The following SOS1 variants were observed in gnomAD, a reference collection of about 807,000 sequenced individuals.
SOS1 encodes son of sevenless homolog 1.
SOS1 carries 25 observed loss-of-function variants against 157.6 expected under a neutral mutation model. The observed-to-expected ratio is 0.16, with a 90% CI of 0.12 to 0.22. SOS1 has a LOEUF of 0.22. Ranked by LOEUF, SOS1 falls within the 10% of genes least tolerant of loss-of-function variation. The pLI is 1.00. For synonymous variants in SOS1, 528 were observed against 534.0 expected (o/e 0.99, Z 0.16); for missense variants, 1,237 against 1,599.1 (o/e 0.77, Z 3.86).
Position 38,985,864 on chromosome 2 carries a change from C to G in SOS1, c.3962G>C (p.Arg1321Thr), listed in dbSNP as rs1054147959. Residue 1321 changes from arginine (R) to threonine (T), a missense_variant, in exon 23 of 23, where the codon AGA becomes ACA. Around this residue, in one of 15 missense-constraint regions of SOS1, gnomAD observed 306 missense variants for 322.6 expected, o/e 0.95. Coordinates refer to ENST00000402219, the MANE Select transcript of SOS1 (RefSeq NM_005633.4). ...ATTCTCCAACAGTGGTGGTCCATCTCTGTGCATGGATGGGTGTGTGTGCTC... is the reference window on the plus strand; with the variant it reads ...ATTCTCCAACAGTGGTGGTCCATCTGTGTGCATGGATGGGTGTGTGTGCTC... ...KREHTHPSMH[R>T]DGPPLLENAH... The G allele has an allele frequency of 1.2e-6, 2 of 1,613,808 alleles. No homozygotes were observed. Among genetic ancestry groups the G allele is most frequent in the Non-Finnish European group, 1.7e-6 (2 of 1,179,810 alleles).
chr2:38,996,081 G>C (rs1437655733), intron 19 of SOS1, among the ~76,000 whole-genome samples: 1 of 151,960 alleles, frequency 6.6e-6, no homozygotes, highest in Non-Finnish European at 1.5e-5. Flanking sequence ...GTTTAATTCA[G>C]GATTCTTGAC....
chr2:39,002,876 G>T (rs1290372614), intron 17 of SOS1, among the ~76,000 whole-genome samples: 6 of 151,962 alleles, frequency 3.9e-5, no homozygotes, highest in African/African-American at 1.5e-4. Flanking sequence ...ACCAGCCTGG[G>T]CAACCTGGTG....
intron 1 of SOS1, among the ~76,000 whole-genome samples, chr2:39,116,018 T>C (rs1447976780): frequency 6.6e-6 from 1 of 152,120 alleles, no homozygotes; most frequent in Non-Finnish European, 1.5e-5. Context: ...GAACATTGGA[T>C]TGTTTCCAGT....
intron 3 of SOS1, among the ~76,000 whole-genome samples, chr2:39,058,121 T>C (rs1293138572): frequency 6.6e-6 from 1 of 152,110 alleles, no homozygotes; most frequent in Admixed American, 6.5e-5. Context: ...AAGGTAATAG[T>C]AGTTCGTTAC....
intron 10 of SOS1, among the ~76,000 whole-genome samples, chr2:39,020,571 G>T (rs762105618): frequency 6.6e-6 from 1 of 151,710 alleles, no homozygotes; most frequent in African/African-American, 2.4e-5. Flanking sequence ...TGGGGAGGCT[G>T]AAGAAAGATG....
chr2:39,092,026 C>T (rs150570946), intron 1 of SOS1, among the ~76,000 whole-genome samples: 121 of 152,280 alleles, frequency 7.9e-4, no homozygotes, highest in African/African-American at 2.9e-3. Context: ...TTTTTCTTCA[C>T]AAATTGACCA....
intron 9 of SOS1, 115 bp downstream of exon 9, chr2:39,023,895 G>T: frequency 1.4e-6 from 1 of 734,574 alleles, no homozygotes; most frequent in Non-Finnish European, 2.4e-6. Flanking sequence ...AAAAGACCAG[G>T]CTTGTCACTA....
At chr2:39,122,899 G>A (rs1235492819), upstream of SOS1, among the ~76,000 whole-genome samples, 4 of 152,064 alleles carry the variant, frequency 2.6e-5, no homozygotes, top group African/African-American at 7.2e-5. Flanking sequence ...TGGTTTGTAT[G>A]GTTCCAAATG....
At position 38,985,063 on chromosome 2, in the gene SOS1, T is replaced by C. The variant is rs1293248864; in HGVS notation, c.*761A>G. On this transcript the variant is annotated 3_prime_UTR_variant, in exon 23 of 23. Transcript: ENST00000402219. ...AATAGAATAGTTGACAGTTATTTTT[T>C]TTTAAAAAGTTCTTCTGTCATGTTA... The C allele has an allele frequency of 6.6e-6, 1 of 152,230 alleles. No individual in the cohort carries two copies. Among genetic ancestry groups the C allele is most frequent in the Admixed American group, 6.5e-5 (1 of 15,270 alleles). 9.4% of individuals were successfully genotyped at this position (152,230 alleles called of 1,614,324 possible). A position where few individuals can be genotyped will look rare whatever the true frequency, so the allele number is the denominator to read the frequency against.
intron 20 of SOS1, chr2:38,992,451 C>G (rs914428755): frequency 6.6e-6 from 1 of 152,184 alleles, no homozygotes; most frequent in African/African-American, 2.4e-5. Context: ...TTTTCTCCAC[C>G]TGTCCAGCTG....
At position 39,017,483 on chromosome 2, in the gene SOS1, T is replaced by C. The variant is rs1469649404; in HGVS notation, c.1859-2637A>G. Among the ~76,000 whole-genome samples, 4 of 152,038 alleles carry C rather than the reference T, an allele frequency of 2.6e-5. No individual in the cohort carries two copies. In the East Asian group the frequency reaches 7.7e-4, roughly 29 times the overall value. ...TTAACAGCTGTACCTTCCTGTATGC[T>C]GTACAGGGTTTCTGCAGCTGGCAGT... On this transcript the variant is annotated intron_variant, in intron 10 of 22. Coordinates refer to ENST00000402219, the MANE Select transcript of SOS1 (RefSeq NM_005633.4).
chr2:39,059,213 A>G (rs187565923), intron 2 of SOS1, among the ~76,000 whole-genome samples: 1 of 152,310 alleles, frequency 6.6e-6, no homozygotes, highest in East Asian at 1.9e-4. Flanking sequence ...GCATTTTTCA[A>G]TTGAAACCTC....
chr2:39,086,395 T>C (rs1350674528), intron 1 of SOS1, among the ~76,000 whole-genome samples: 1 of 152,200 alleles, frequency 6.6e-6, no homozygotes, highest in Non-Finnish European at 1.5e-5. Flanking sequence ...TGAGCAGATG[T>C]TTTCATAAGT....
chr2:39,101,182 G>A (rs745342120), intron 1 of SOS1, among the ~76,000 whole-genome samples: 3 of 152,076 alleles, frequency 2.0e-5, no homozygotes, highest in Non-Finnish European at 4.4e-5. Flanking sequence ...CAAGAGAGAG[G>A]GGAAGTGTGT....
intron 1 of SOS1, among the ~76,000 whole-genome samples, chr2:39,084,479 T>C (rs944312059): frequency 1.3e-5 from 2 of 152,040 alleles, no homozygotes; most frequent in African/African-American, 2.4e-5. Context: ...GGGTTATAAA[T>C]GGTCCTGGGC....
At chr2:39,060,475 G>A (rs2124613899) in intron 2 of SOS1, among the ~76,000 whole-genome samples, 1 of 152,294 alleles carries the variant, frequency 6.6e-6, no homozygotes, top group Admixed American at 6.5e-5. Flanking sequence ...TGCGCAGGCT[G>A]GAGTGCAGTG....
chr2:39,124,708 A>G (rs1054476206), upstream of SOS1, among the ~76,000 whole-genome samples: 1 of 152,246 alleles, frequency 6.6e-6, no homozygotes, highest in Non-Finnish European at 1.5e-5. Flanking sequence ...ATAAATTCCA[A>G]AGTCCTTAAC....
chr2:39,036,735 G>A (rs1479268342), intron 6 of SOS1, among the ~76,000 whole-genome samples: 3 of 151,210 alleles, frequency 2.0e-5, no homozygotes, highest in African/African-American at 7.4e-5. Flanking sequence ...CACCACGCCC[G>A]GCTATTTTTT....
chr2:38,990,219 T>TAAG (rs1668688695), intron 20 of SOS1, among the ~76,000 whole-genome samples: 1 of 151,940 alleles, frequency 6.6e-6, no homozygotes, highest in African/African-American at 2.4e-5. Context: ...TTTGGAATAT[T>TAAG]AAGTTTATTC....
Sources: allele counts gnomAD v4.1 joint callset (sites outside exome capture counted in the v4.1 genomes callset), GRCh38; gene constraint gnomAD v4.1.1; regional missense constraint gnomAD v4.1.1; transcripts MANE v1.5; gene names NCBI Gene and HGNC (gene_info 2026-07-23, HGNC 2026-07-21).